FTO: variants seen among roughly 807,000 people sequenced by gnomAD.
FTO encodes FTO alpha-ketoglutarate dependent dioxygenase.
A neutral mutation model predicts 63.9 loss-of-function variants in FTO; 47 were observed. That is an observed-to-expected ratio of 0.74 (90% CI 0.58 to 0.94). The LOEUF (loss-of-function observed/expected upper bound fraction) is 0.94. Among genes scored for constraint, FTO ranks in the 40% least tolerant of loss-of-function variants. The probability of loss-of-function intolerance (pLI) is 0.00; values close to 1 mark genes in which losing one functional copy is unlikely to be tolerated. For synonymous variants in FTO, 207 were observed against 224.4 expected (o/e 0.92, Z 0.69); for missense variants, 562 against 618.1 (o/e 0.91, Z 0.96).
intron 1 of FTO, among the ~76,000 whole-genome samples, chr16:53,743,663 T>TG (rs1420946378): frequency 1.3e-5 from 2 of 151,158 alleles, no homozygotes; most frequent in Non-Finnish European, 2.9e-5. Flanking sequence ...TGGGAATACT[T>TG]GTGTTACTAC....
upstream of FTO, chr16:53,703,981 C>G: frequency 1.5e-6 from 1 of 651,536 alleles, no homozygotes; most frequent in South Asian, 1.7e-5. Flanking sequence ...TTCCAGCTGT[C>G]GGACCTGGGA....
intron 8 of FTO, among the ~76,000 whole-genome samples, chr16:54,074,519 C>T (rs2085940470): frequency 6.6e-6 from 1 of 152,148 alleles, no homozygotes; most frequent in Non-Finnish European, 1.5e-5. Flanking sequence ...CTTACTATAT[C>T]ATAAGCAGGT....
chr16:53,967,118 A>G (rs1459919115), intron 8 of FTO, among the ~76,000 whole-genome samples: 1 of 152,174 alleles, frequency 6.6e-6, no homozygotes, highest in Non-Finnish European at 1.5e-5. Flanking sequence ...GATTCTGGGA[A>G]AAGGTTTTTC....
rs184404783 is a variant in FTO, at chr16:54,052,416, G to A, written c.1365-59346G>A. 5.9e-5 allele frequency: 9 copies of A among 152,290 alleles called. No homozygotes were observed. In the East Asian group the frequency reaches 1.5e-3, roughly 26 times the overall value. The allele number at this position is 152,290 out of a possible 1,614,324, so 9.4% of individuals were successfully genotyped here. A position where few individuals can be genotyped will look rare whatever the true frequency, so the allele number is the denominator to read the frequency against. On this transcript the variant is annotated intron_variant, in intron 8 of 8. Transcript: ENST00000471389. ...TTGATATGTGATGAAACACAGTGCA[G>A]CTGGATGGCTGGTTTGGGTTGATGC...
At chr16:53,895,249 A>G (rs959198089) in intron 7 of FTO, among the ~76,000 whole-genome samples, 2 of 151,836 alleles carry the variant, frequency 1.3e-5, no homozygotes, top group African/African-American at 4.8e-5. Context: ...AGAGTTTTCC[A>G]TTTTTTTCCC....
At chr16:53,803,303 CT>C (rs1279404519) in intron 1 of FTO, among the ~76,000 whole-genome samples, 1 of 152,220 alleles carries the variant, frequency 6.6e-6, no homozygotes, top group Non-Finnish European at 1.5e-5. Context: ...TGAAGTCCTT[CT>C]GAGTGTTCTT....
At chr16:53,761,791 T>C (rs750237301) in intron 1 of FTO, among the ~76,000 whole-genome samples, 5 of 152,164 alleles carry the variant, frequency 3.3e-5, no homozygotes, top group Non-Finnish European at 5.9e-5. Flanking sequence ...TAGGGAGATA[T>C]CTTAGTCTGC....
chr16:53,847,956 C>T (rs931297146), intron 4 of FTO, among the ~76,000 whole-genome samples: 1 of 152,090 alleles, frequency 6.6e-6, no homozygotes, highest in Admixed American at 6.6e-5. Context: ...ATAAAATCTA[C>T]TCTTGATTTC....
intron 5 of FTO, among the ~76,000 whole-genome samples, chr16:53,877,440 A>G (rs2080689318): frequency 6.6e-6 from 1 of 152,232 alleles, no homozygotes; most frequent in Admixed American, 6.5e-5. Flanking sequence ...AACCAGTCAC[A>G]AAAGATACAT....
At chr16:53,792,075 CAAAAAAA>C (rs10606857) in intron 1 of FTO, among the ~76,000 whole-genome samples, 2 of 138,596 alleles carry the variant, frequency 1.4e-5, no homozygotes, top group African/African-American at 5.1e-5. Flanking sequence ...GACTTCGTCT[CAAAAAAA>C]AAAAAAAAAA....
chr16:54,099,365 G>A (rs1229758570), intron 8 of FTO, among the ~76,000 whole-genome samples: 1 of 152,138 alleles, frequency 6.6e-6, no homozygotes, highest in Non-Finnish European at 1.5e-5. Flanking sequence ...ACTCTAGACT[G>A]CTTTGAAATT....
intron 8 of FTO, among the ~76,000 whole-genome samples, chr16:53,939,845 T>G (rs1003696345): frequency 3.3e-5 from 5 of 152,354 alleles, no homozygotes; most frequent in Non-Finnish European, 5.9e-5. Flanking sequence ...GTGCCACATT[T>G]TATTTATCCA....
At chr16:53,735,295 T>C (rs1237005867) in intron 1 of FTO, among the ~76,000 whole-genome samples, 1 of 152,218 alleles carries the variant, frequency 6.6e-6, no homozygotes, top group Non-Finnish European at 1.5e-5. Context: ...AGGTTATTGC[T>C]AGACACAGGA....
At chr16:53,908,033 G>T (rs2151937666) in intron 7 of FTO, among the ~76,000 whole-genome samples, 1 of 152,336 alleles carries the variant, frequency 6.6e-6, no homozygotes, top group East Asian at 1.9e-4. Context: ...TAAAGTTGCT[G>T]AAGTGGTTTT....
At chr16:54,023,470 A>G (rs561079690) in intron 8 of FTO, among the ~76,000 whole-genome samples, 1 of 152,322 alleles carries the variant, frequency 6.6e-6, no homozygotes, top group South Asian at 2.1e-4. Flanking sequence ...CTCTTCTACC[A>G]AGGATAATAA....
rs115472763 is a variant in FTO, at chr16:53,964,948, T to G, written c.1364+30839T>G. 5.1e-3 allele frequency among the ~76,000 whole-genome samples: 778 copies of G among 152,338 alleles called. 7 individuals carry two copies. Among genetic ancestry groups the G allele is most frequent in the African/African-American group, 0.018 (745 of 41,582 alleles). ...AAATTATATTATAATGAAGCTTTTT[T>G]CCCAATAAGCATTTTATAAGAGGAA... is the stretch of plus-strand genomic sequence containing the variant. On this transcript the variant is annotated intron_variant, in intron 8 of 8. Transcript: ENST00000471389.
At chr16:54,034,573 G>A (rs1164339391) in intron 8 of FTO, among the ~76,000 whole-genome samples, 1 of 152,146 alleles carries the variant, frequency 6.6e-6, no homozygotes, top group Non-Finnish European at 1.5e-5. Context: ...GTCACACGTG[G>A]GGAATGAACT....
At chr16:54,054,591 A>G (rs1353055942) in intron 8 of FTO, 5 of 152,196 alleles carry the variant, frequency 3.3e-5, no homozygotes, top group East Asian at 1.9e-4. Flanking sequence ...TTGGCCATCA[A>G]AACTACTTGC....
intron 8 of FTO, among the ~76,000 whole-genome samples, chr16:54,059,902 T>C (rs193164696): frequency 0.012 from 1,221 of 104,826 alleles, 14 homozygotes; most frequent in African/African-American, 0.079. Context: ...AGTTTTTTTT[T>C]GTTTTTTGTT....
Sources: allele counts gnomAD v4.1 joint callset (sites outside exome capture counted in the v4.1 genomes callset), GRCh38; gene constraint gnomAD v4.1.1; transcripts MANE v1.5; gene names NCBI Gene and HGNC (gene_info 2026-07-23, HGNC 2026-07-21).